The following DENND1A variants were observed in gnomAD, a reference collection of about 807,000 sequenced individuals.
DENND1A encodes DENN domain containing 1A, also known as DENN domain-containing protein 1A.
Under a neutral mutation model 113.7 loss-of-function variants are expected in DENND1A, and 51 were observed. The observed-to-expected ratio is 0.45, with a 90% CI of 0.36 to 0.57. The LOEUF (loss-of-function observed/expected upper bound fraction) is 0.57. Ranked by LOEUF, DENND1A falls within the 20% of genes least tolerant of loss-of-function variation. The pLI is 0.00. For missense variants in DENND1A, 1,258 were observed against 1,395.9 expected, an observed-to-expected ratio of 0.90 and a Z score of 1.57; for synonymous variants, 565 against 570.8, an observed-to-expected ratio of 0.99 and a Z score of 0.14.
intron 13 of DENND1A, among the ~76,000 whole-genome samples, chr9:123,482,519 A>C (rs1228782313): frequency 1.3e-5 from 2 of 152,216 alleles, no homozygotes; most frequent in Admixed American, 1.3e-4. Flanking sequence ...GCCTATGGGA[A>C]GCCTTTCCCA....
At chr9:123,622,089 C>A (rs546655293) in intron 10 of DENND1A, among the ~76,000 whole-genome samples, 182 of 152,308 alleles carry the variant, frequency 1.2e-3, no homozygotes, top group African/African-American at 4.3e-3. Flanking sequence ...AGGCATTTTA[C>A]AAAGTCAAAT....
At chr9:123,890,112 T>TTATTACC (rs1849686029) in intron 1 of DENND1A, among the ~76,000 whole-genome samples, 2 of 152,318 alleles carry the variant, frequency 1.3e-5, no homozygotes, top group South Asian at 4.1e-4. Flanking sequence ...GTCAAAACCG[T>TTATTACC]GTCAGGTAAT....
intron 5 of DENND1A, among the ~76,000 whole-genome samples, chr9:123,685,596 G>C (rs373913158): frequency 1.3e-5 from 2 of 152,204 alleles, no homozygotes; most frequent in Non-Finnish European, 2.9e-5. Flanking sequence ...GTTGCTTTTA[G>C]AGAGTGGCTT....
intron 9 of DENND1A, among the ~76,000 whole-genome samples, chr9:123,631,309 G>C (rs2061465466): frequency 6.6e-6 from 1 of 151,936 alleles, no homozygotes; most frequent in African/African-American, 2.4e-5. Flanking sequence ...TCAGGACTAA[G>C]GTTGAACATT....
chr9:123,397,889 G>C (rs920091491), intron 21 of DENND1A, among the ~76,000 whole-genome samples: 1 of 152,192 alleles, frequency 6.6e-6, no homozygotes, highest in African/African-American at 2.4e-5. Context: ...GGCTGAGTTT[G>C]GACCCTTCTT....
chr9:123,568,610 T>TA (rs748985612), intron 12 of DENND1A, among the ~76,000 whole-genome samples: 3 of 152,210 alleles, frequency 2.0e-5, no homozygotes, highest in Non-Finnish European at 4.4e-5. Context: ...ATTTGGGAGT[T>TA]AATGAAGAGC....
rs1256058107 is a variant in DENND1A at position 123,828,474 on chromosome 9, T to TTAC, written c.89-35845_89-35844insGTA. On this transcript the variant is annotated intron_variant, in intron 2 of 23. Transcript: ENST00000394215. ...AAGAGAATTGGCTTACAAGAAATAA[T>TTAC]AAGTAATGTTAAGAAATACCCAAAA... Among the ~76,000 whole-genome samples, 72 of 151,964 alleles carry TTAC rather than the reference T, an allele frequency of 4.7e-4. 1 individual carries two copies. The highest frequency in any genetic ancestry group is 1.6e-3 in the African/African-American group (65 of 41,500).
chr9:123,387,912 G>A (rs1277578702), intron 21 of DENND1A, 54 bp from the exon 22 acceptor site: 1 of 1,274,220 alleles, frequency 7.8e-7, no homozygotes, highest in Non-Finnish European at 1.0e-6. Context: ...GGCGCCCTCA[G>A]AACTTCACGT....
intron 3 of DENND1A, among the ~76,000 whole-genome samples, chr9:123,782,548 C>T (rs767637351): frequency 2.1e-4 from 32 of 152,142 alleles, no homozygotes; most frequent in Non-Finnish European, 3.5e-4. Flanking sequence ...GATCTGGACA[C>T]GAAGCCGGCA....
At chr9:123,740,911 A>AGAGAGAGAGAGAGAGG (rs2068962817) in intron 5 of DENND1A, among the ~76,000 whole-genome samples, 1 of 136,794 alleles carries the variant, frequency 7.3e-6, no homozygotes, top group Non-Finnish European at 1.6e-5. Context: ...AGAGAGAGAG[A>AGAGAGAGAGAGAGAGG]GAGAGAGAGA....
At chr9:123,569,511 C>G (rs972790080) in intron 12 of DENND1A, 8 of 152,324 alleles carry the variant, frequency 5.3e-5, no homozygotes, top group African/African-American at 1.9e-4. Flanking sequence ...AATGAAGTCC[C>G]ATAAACTCCC....
At chr9:123,642,263 A>G (rs1156985499) in intron 9 of DENND1A, among the ~76,000 whole-genome samples, 1 of 152,258 alleles carries the variant, frequency 6.6e-6, no homozygotes, top group East Asian at 1.9e-4. Context: ...GAATGCCCGT[A>G]TAAGTAAAAC....
At chr9:123,677,116 C>T (rs907100443) in intron 5 of DENND1A, among the ~76,000 whole-genome samples, 2 of 152,124 alleles carry the variant, frequency 1.3e-5, no homozygotes, top group African/African-American at 4.8e-5. Context: ...GCACACCCAC[C>T]CTTTCCAGGA....
chr9:123,538,561 C>T (rs1459418001), intron 13 of DENND1A, among the ~76,000 whole-genome samples: 1 of 151,554 alleles, frequency 6.6e-6, no homozygotes, highest in Non-Finnish European at 1.5e-5. Flanking sequence ...CTACTAGGTT[C>T]ATGTAGAAAA....
intron 18 of DENND1A, among the ~76,000 whole-genome samples, chr9:123,444,728 G>A (rs765074178): frequency 1.3e-5 from 2 of 152,208 alleles, no homozygotes; most frequent in Non-Finnish European, 2.9e-5. Context: ...ACATGAAAAT[G>A]CAGGTTATAA....
intron 3 of DENND1A, among the ~76,000 whole-genome samples, chr9:123,770,388 C>CCACAGAAAAAAACAGTACATGA (rs1466606339): frequency 6.6e-6 from 1 of 152,068 alleles, no homozygotes; most frequent in African/African-American, 2.4e-5. Context: ...TCTTACATTA[C>CCACAGAAAAAAACAGTACATGA]CACAGAAAAA....
intron 20 of DENND1A, among the ~76,000 whole-genome samples, chr9:123,408,105 A>G (rs10818817): frequency 6.6e-6 from 1 of 152,000 alleles, no homozygotes; most frequent in African/African-American, 2.4e-5. Context: ...GACCCTCCCC[A>G]GCCCCTGCTA....
chr9:123,777,639 T>C (rs1454027186), intron 3 of DENND1A, among the ~76,000 whole-genome samples: 1 of 152,250 alleles, frequency 6.6e-6, no homozygotes, highest in Non-Finnish European at 1.5e-5. Flanking sequence ...TCAAGGTTCC[T>C]GGTTTCTTCT....
chr9:123,615,929 C>T (rs1474372202), intron 10 of DENND1A, among the ~76,000 whole-genome samples: 1 of 152,084 alleles, frequency 6.6e-6, no homozygotes, highest in African/African-American at 2.4e-5. Context: ...TTACACCATC[C>T]ATTTTATAGC....
Sources: allele counts gnomAD v4.1 joint callset (sites outside exome capture counted in the v4.1 genomes callset), GRCh38; gene constraint gnomAD v4.1.1; transcripts MANE v1.5; gene names NCBI Gene and HGNC (gene_info 2026-07-23, HGNC 2026-07-21).